ST6GAL2: variants seen among roughly 807,000 people sequenced by gnomAD.
ST6GAL2 encodes beta-galactoside alpha-2,6-sialyltransferase 2.
A neutral mutation model predicts 37.5 loss-of-function variants in ST6GAL2; 24 were observed. That is an observed-to-expected ratio of 0.64 (90% CI 0.46 to 0.90). The LOEUF is 0.90. ST6GAL2 is among the 40% of genes least tolerant of loss of function. The pLI is 0.00. For missense variants in ST6GAL2, 715 were observed against 712.7 expected, an observed-to-expected ratio of 1.00 and a Z score of -0.04; for synonymous variants, 306 against 295.1, an observed-to-expected ratio of 1.04 and a Z score of -0.38.
chr2:106,840,951 G>T (rs1205463094), intron 2 of ST6GAL2, among the ~76,000 whole-genome samples: 3 of 152,184 alleles, frequency 2.0e-5, no homozygotes, highest in Admixed American at 6.5e-5. Flanking sequence ...AAATGAGAAA[G>T]AACTGTGGTG....
chr2:106,867,214 C>T (rs187793363), intron 1 of ST6GAL2, among the ~76,000 whole-genome samples: 5 of 152,232 alleles, frequency 3.3e-5, no homozygotes, highest in East Asian at 1.9e-4. Context: ...TGTCACACAA[C>T]GTGGAAGCAT....
chr2:106,827,553 C>T (rs755836771), intron 5 of ST6GAL2, among the ~76,000 whole-genome samples: 15 of 152,194 alleles, frequency 9.9e-5, no homozygotes, highest in Non-Finnish European at 1.8e-4. Flanking sequence ...CAACCCTTAC[C>T]CACAGAGCAC....
chr2:106,839,232 G>A (rs79699912), intron 2 of ST6GAL2, among the ~76,000 whole-genome samples: 6,457 of 152,054 alleles, frequency 0.042, 435 homozygotes, highest in African/African-American at 0.14. Context: ...TGTACTCCCT[G>A]TAGCTCTCAC....
chr2:106,814,508 A>T (rs1435294139), intron 5 of ST6GAL2, among the ~76,000 whole-genome samples: 1 of 148,866 alleles, frequency 6.7e-6, no homozygotes, highest in Non-Finnish European at 1.5e-5. Flanking sequence ...AAAAAAAGGC[A>T]AGGTGGGGGT....
chr2:106,821,282 G>T (rs1675994038), intron 5 of ST6GAL2, among the ~76,000 whole-genome samples: 1 of 151,302 alleles, frequency 6.6e-6, no homozygotes, highest in Non-Finnish European at 1.5e-5. Context: ...GATAAATAAA[G>T]TTAGAGATGA....
chr2:106,820,505 G>C (rs1415445144), intron 5 of ST6GAL2, among the ~76,000 whole-genome samples: 1 of 152,034 alleles, frequency 6.6e-6, no homozygotes, highest in Non-Finnish European at 1.5e-5. Context: ...GAGCTAAAGA[G>C]AGAGCTAGAC....
intron 1 of ST6GAL2, among the ~76,000 whole-genome samples, chr2:106,854,132 C>T (rs1211328514): frequency 2.0e-5 from 3 of 152,156 alleles, no homozygotes; most frequent in Non-Finnish European, 4.4e-5. Flanking sequence ...AGGTGGCCAG[C>T]AGATGGCTTT....
chr2:106,874,355 T>C (rs1573318751), intron 1 of ST6GAL2, among the ~76,000 whole-genome samples: 1 of 151,988 alleles, frequency 6.6e-6, no homozygotes, highest in Non-Finnish European at 1.5e-5. Flanking sequence ...TCCATAATAA[T>C]CGGGTCAAGG....
rs1211162018 is a variant in ST6GAL2, at chr2:106,802,290, G to T, written c.*4388C>A. The T allele has an allele frequency of 6.6e-6, 1 of 151,996 alleles. No homozygotes were observed. Among genetic ancestry groups the T allele is most frequent in the Non-Finnish European group, 1.5e-5 (1 of 68,004 alleles). 9.4% of individuals were successfully genotyped at this position (151,996 alleles called of 1,614,324 possible). ...AAAGGTTTCAGTCAAAAATATTGAT[G>T]AAAAAGCAATATAAAACCAACCATG... On this transcript the variant is annotated 3_prime_UTR_variant, in exon 6 of 6. Transcript: ENST00000409382.
chr2:106,823,486 C>CAG (rs1553417620), intron 5 of ST6GAL2, among the ~76,000 whole-genome samples: 48 of 118,002 alleles, frequency 4.1e-4, no homozygotes, highest in East Asian at 1.3e-3. Flanking sequence ...CACACACACA[C>CAG]AGAGAGAGAG....
At chr2:106,876,069 A>G (rs1221908273) in intron 1 of ST6GAL2, among the ~76,000 whole-genome samples, 1 of 152,166 alleles carries the variant, frequency 6.6e-6, no homozygotes, top group Non-Finnish European at 1.5e-5. Flanking sequence ...TAGGCTCAAG[A>G]GATCCTCCTG....
chr2:106,870,555 T>C (rs1678222109), intron 1 of ST6GAL2, among the ~76,000 whole-genome samples: 1 of 152,120 alleles, frequency 6.6e-6, no homozygotes, highest in African/African-American at 2.4e-5. Context: ...ACCAAACTCA[T>C]TACCAAAGGT....
At chr2:106,812,182 C>T (rs12988930) in intron 5 of ST6GAL2, among the ~76,000 whole-genome samples, 1 of 152,334 alleles carries the variant, frequency 6.6e-6, no homozygotes, top group East Asian at 1.9e-4. Flanking sequence ...TCTGCAATAA[C>T]ACCATGTGTG....
chr2:106,861,482 A>C (rs572927907), intron 1 of ST6GAL2, among the ~76,000 whole-genome samples: 10 of 152,154 alleles, frequency 6.6e-5, no homozygotes, highest in Admixed American at 1.3e-4. Flanking sequence ...GATGGTGGGG[A>C]TTAAAAAGAC....
chr2:106,833,568 A>G (rs1676511992), intron 3 of ST6GAL2, among the ~76,000 whole-genome samples: 1 of 152,216 alleles, frequency 6.6e-6, no homozygotes, highest in South Asian at 2.1e-4. Flanking sequence ...CATTCTCATT[A>G]AGAACGTGAA....
At chr2:106,876,980 T>C (rs977100767) in intron 1 of ST6GAL2, among the ~76,000 whole-genome samples, 2 of 151,990 alleles carry the variant, frequency 1.3e-5, no homozygotes, top group East Asian at 1.9e-4. Context: ...AAAGAGTCTA[T>C]TTAGAGGAAA....
At chr2:106,858,459 G>T (rs963125771) in intron 1 of ST6GAL2, among the ~76,000 whole-genome samples, 1 of 152,180 alleles carries the variant, frequency 6.6e-6, no homozygotes, top group Non-Finnish European at 1.5e-5. Context: ...GATAATTGGG[G>T]CAAAGGAATC....
Position 106,830,350 on chromosome 2 carries a change from G to A in ST6GAL2, c.1144-110C>T, listed in dbSNP as rs1676372288. Reference sequence around the variant, plus strand: ...AGGGGCCAGGCTGGGGCTAGAGGATGGGGAAAGATCATGACTCATGACATC... The same window carrying A: ...AGGGGCCAGGCTGGGGCTAGAGGATAGGGAAAGATCATGACTCATGACATC... On this transcript the variant is annotated intron_variant, in intron 4 of 5. Transcript: ENST00000409382. 1.1e-5 allele frequency: 9 copies of A among 838,070 alleles called. No individual in the cohort carries two copies. The South Asian group carries it at 1.5e-4, about 14-fold the overall frequency. 51.9% of individuals were successfully genotyped at this position (838,070 alleles called of 1,614,324 possible).
At chr2:106,836,095 A>C (rs959160878) in intron 2 of ST6GAL2, among the ~76,000 whole-genome samples, 1 of 152,208 alleles carries the variant, frequency 6.6e-6, no homozygotes, top group Non-Finnish European at 1.5e-5. Context: ...TAAAATGTCT[A>C]TTAATTTATT....
Sources: gnomAD v4.1 joint callset for allele counts (sites outside exome capture counted in the v4.1 genomes callset) on GRCh38, gnomAD v4.1.1 for gene constraint, MANE v1.5 for transcripts, NCBI Gene and HGNC (gene_info 2026-07-23, HGNC 2026-07-21) for gene names.